The following ODF2 variants were observed in gnomAD, a reference collection of about 807,000 sequenced individuals.
ODF2 encodes the protein outer dense fiber protein 2.
ODF2 carries 47 observed loss-of-function variants against 110.2 expected under a neutral mutation model. That is an observed-to-expected ratio of 0.43 (90% CI 0.34 to 0.54). The LOEUF is 0.54. Among genes scored for constraint, ODF2 ranks in the 20% least tolerant of loss-of-function variants. The pLI, the probability that ODF2 is intolerant of heterozygous loss-of-function variation, is 0.03. For synonymous variants in ODF2, 352 were observed against 397.7 expected, an observed-to-expected ratio of 0.89 and a Z score of 1.37; for missense variants, 812 against 1,054.5, an observed-to-expected ratio of 0.77 and a Z score of 3.19.
Position 128,482,801 on chromosome 9 carries a change from T to C in ODF2, c.916-15T>C. The stretch of plus-strand genomic sequence containing the variant: ...CCCTTCCCAGGGGCACCTGACAGCC[T>C]GTGTTCTCTCCCAGCGCCTGCTGTT... On this transcript the variant is annotated splice_polypyrimidine_tract_variant and intron_variant, in intron 9 of 20. Transcript: ENST00000604420. The C allele has an allele frequency of 6.2e-7, 1 of 1,611,372 alleles. No individual in the cohort carries two copies. The highest frequency in any genetic ancestry group is 1.1e-5 in the South Asian group (1 of 90,714).
At chr9:128,468,411 C>G (rs1285060335) in intron 4 of ODF2, among the ~76,000 whole-genome samples, 1 of 152,176 alleles carries the variant, frequency 6.6e-6, no homozygotes, top group Non-Finnish European at 1.5e-5. Context: ...GTCACCCAGG[C>G]TGGCATGCAG....
chr9:128,473,701 G>A lies in ODF2; in HGVS notation c.803G>A (p.Arg268His), dbSNP rs764985745. 3.9e-5 allele frequency: 63 copies of A among 1,613,456 alleles called. No individual in the cohort carries two copies. Among genetic ancestry groups the A allele is most frequent in the South Asian group, 4.4e-5 (4 of 91,044 alleles). ...CTGAGCACATTTGAGGAGACCAACCGCACCCTCCGAGACCTCCTGAGGGAA... is the reference window on the plus strand; with the variant it reads ...CTGAGCACATTTGAGGAGACCAACCACACCCTCCGAGACCTCCTGAGGGAA... Residue 268 changes from arginine to histidine, a missense_variant, in exon 8 of 21, where the codon CGC becomes CAC. Physicochemically the swap from Arg to His is conservative, Grantham distance 29. Transcript: ENST00000604420.
chr9:128,461,085 C>G lies in ODF2; in HGVS notation c.249+18C>G. ...AGTGGGAGGTAGGCTCACCCTTGCC[C>G]AGGCTTTTCTTCTCGGACTGCTCAG... On this transcript the variant is annotated intron_variant, in intron 4 of 20. Coordinates refer to ENST00000604420, the Ensembl canonical transcript of ODF2. 1 of 1,612,458 alleles carries G rather than the reference C, an allele frequency of 6.2e-7. No individual in the cohort carries two copies. The highest frequency in any genetic ancestry group is 1.1e-5 in the South Asian group (1 of 90,922).
intron 1 of ODF2, 90 bp downstream of exon 1, chr9:128,456,345 G>A: frequency 1.4e-6 from 2 of 1,440,764 alleles, no homozygotes; most frequent in Non-Finnish European, 9.0e-7. Flanking sequence ...GGTCGACCCC[G>A]CGGGGCCGTC....
intron 19 of ODF2, 34 bp downstream of exon 19, chr9:128,498,609 G>T: frequency 8.0e-7 from 1 of 1,243,250 alleles, no homozygotes; most frequent in South Asian, 1.4e-5. Context: ...CTAGCTCTGT[G>T]ACCTTGGGCA....
At chr9:128,500,084 G>A (rs368357426) in exon 21 of ODF2, 2 of 1,614,260 alleles carry the variant, frequency 1.2e-6, no homozygotes, top group Non-Finnish European at 1.7e-6. Context: ...GCCGCTACCA[G>A]AGCCGGCTGC....
At chr9:128,495,105 T>A (rs1845363203) in intron 17 of ODF2, among the ~76,000 whole-genome samples, 2 of 152,220 alleles carry the variant, frequency 1.3e-5, no homozygotes, top group South Asian at 4.1e-4. Flanking sequence ...CATCCCTTTC[T>A]CCCAGAAGCA....
intron 2 of ODF2, among the ~76,000 whole-genome samples, chr9:128,458,867 CGGGG>C (rs1835664421): frequency 6.6e-6 from 1 of 151,866 alleles, no homozygotes; most frequent in Admixed American, 6.6e-5. Flanking sequence ...TGTTTTGAAA[CGGGG>C]TCTCCCTCTG....
intron 14 of ODF2, among the ~76,000 whole-genome samples, chr9:128,490,084 C>G (rs1439772760): frequency 6.6e-6 from 1 of 152,120 alleles, no homozygotes; most frequent in Non-Finnish European, 1.5e-5. Context: ...GTGGCTCACA[C>G]CTGTAATCTC....
chr9:128,469,459 C>T, intron 5 of ODF2, 106 bp downstream of exon 5: 1 of 1,226,574 alleles, frequency 8.2e-7, no homozygotes. Flanking sequence ...GGCCTTCAGG[C>T]CTCCTCTGCA....
intron 7 of ODF2, chr9:128,473,399 CCT>C: frequency 3.2e-6 from 2 of 616,466 alleles, no homozygotes; most frequent in Non-Finnish European, 4.1e-6. Flanking sequence ...CCTTCCCACC[CCT>C]TTCTCCACCT....
intron 20 of ODF2, among the ~76,000 whole-genome samples, chr9:128,499,585 G>C (rs10988009): frequency 0.29 from 43,276 of 151,800 alleles, 7,201 homozygotes; most frequent in African/African-American, 0.45. Flanking sequence ...GTGAGCCACT[G>C]CACCCAGACT....
intron 8 of ODF2, among the ~76,000 whole-genome samples, chr9:128,477,846 G>A (rs1238437165): frequency 2.6e-5 from 4 of 151,782 alleles, no homozygotes; most frequent in South Asian, 4.2e-4. Flanking sequence ...TAATCCACCC[G>A]CCTCAGCCTC....
intron 5 of ODF2, among the ~76,000 whole-genome samples, chr9:128,470,354 G>A (rs979836376): frequency 5.3e-5 from 8 of 151,550 alleles, no homozygotes; most frequent in African/African-American, 1.9e-4. Flanking sequence ...TTCTTGGCCA[G>A]GCGTGGTGGC....
chr9:128,480,836 A>T (rs1016131125), intron 8 of ODF2, among the ~76,000 whole-genome samples: 7 of 151,990 alleles, frequency 4.6e-5, no homozygotes, highest in African/African-American at 1.7e-4. Context: ...AAAAAAAATT[A>T]AAAAAAATTA....
chr9:128,496,742 C>T (rs906950817), intron 18 of ODF2, among the ~76,000 whole-genome samples: 2 of 151,202 alleles, frequency 1.3e-5, no homozygotes, highest in African/African-American at 4.9e-5. Flanking sequence ...ATCTATCTAT[C>T]ATCTATCTAT....
chr9:128,460,328 G>T, intron 3 of ODF2: 1 of 1,430,328 alleles, frequency 7.0e-7, no homozygotes, highest in African/African-American at 1.4e-5. Flanking sequence ...CTCTTGAGTG[G>T]ACCAGAATCT....
downstream of ODF2, chr9:128,500,981 T>G (rs540282588): frequency 6.6e-6 from 1 of 152,350 alleles, no homozygotes; most frequent in South Asian, 2.1e-4. Flanking sequence ...CATTTGATGA[T>G]TTCCTTTACC....
At chr9:128,477,686 A>G (rs933959221) in intron 8 of ODF2, among the ~76,000 whole-genome samples, 1 of 150,962 alleles carries the variant, frequency 6.6e-6, no homozygotes, top group African/African-American at 2.4e-5. Flanking sequence ...GCTCACTGCA[A>G]CCTTCCCCTC....
Sources: allele counts gnomAD v4.1 joint callset (sites outside exome capture counted in the v4.1 genomes callset), GRCh38; gene constraint gnomAD v4.1.1; transcripts MANE v1.5; gene names NCBI Gene and HGNC (gene_info 2026-07-23, HGNC 2026-07-21).